Variants in PLBD1 observed in about 807,000 individuals in gnomAD.
The protein encoded by PLBD1 is phospholipase B domain containing 1, also known as lysosomal leucine aminopeptidase.
Under a neutral mutation model 63.0 loss-of-function variants are expected in PLBD1, and 60 were observed. That is an observed-to-expected ratio of 0.95 (90% CI 0.77 to 1.18). The LOEUF is 1.18. Among genes scored for constraint, PLBD1 ranks in the 50% most tolerant of loss-of-function variants. The pLI is 0.00. For missense variants in PLBD1, 598 were observed against 677.9 expected, an observed-to-expected ratio of 0.88 and a Z score of 1.31; for synonymous variants, 262 against 248.0, an observed-to-expected ratio of 1.06 and a Z score of -0.53.
chr12:14,558,300 A>T (rs1945722323), intron 1 of PLBD1, among the ~76,000 whole-genome samples: 1 of 152,170 alleles, frequency 6.6e-6, no homozygotes, highest in African/African-American at 2.4e-5. Flanking sequence ...AGAAATAGGG[A>T]GGTGTCAAAT....
chr12:14,559,048 T>C (rs1460960824), intron 1 of PLBD1, among the ~76,000 whole-genome samples: 1 of 152,248 alleles, frequency 6.6e-6, no homozygotes, highest in Non-Finnish European at 1.5e-5. Context: ...CCAGTATTCA[T>C]GCTATTTTCT....
chr12:14,556,153 G>C (rs1945701697), intron 1 of PLBD1, among the ~76,000 whole-genome samples: 1 of 152,218 alleles, frequency 6.6e-6, no homozygotes. Flanking sequence ...AGAGAGGTGG[G>C]AGGACGCCAG....
chr12:14,517,811 A>G (rs1184877714), intron 6 of PLBD1, among the ~76,000 whole-genome samples: 2 of 152,238 alleles, frequency 1.3e-5, no homozygotes, highest in African/African-American at 4.8e-5. Flanking sequence ...ATACAATACT[A>G]GAAGTTAATG....
At chr12:14,526,765 G>A (rs558292926) in intron 6 of PLBD1, among the ~76,000 whole-genome samples, 15 of 152,218 alleles carry the variant, frequency 9.9e-5, no homozygotes, top group Admixed American at 6.5e-4. Flanking sequence ...CTGAGGTCAC[G>A]AGTTGGAGAC....
Position 14,511,411 on chromosome 12 carries a change from A to C in PLBD1, c.1046-11T>G. 1 of 1,613,160 alleles carries C rather than the reference A, an allele frequency of 6.2e-7. No individual in the cohort carries two copies. On this transcript the variant is annotated splice_polypyrimidine_tract_variant and intron_variant, in intron 7 of 10. Transcript: ENST00000240617. ...GATTGTTATAGGTGCCTGAAATATC[A>C]GGAAACATGAAGACGGGGCATGGGT...
In PLBD1 at chr12:14,511,551, AC is replaced by A. The variant is rs1945298374; in HGVS notation, c.1004del (p.Ser335MetfsTer26). 8.1e-6 allele frequency: 13 copies of A among 1,614,206 alleles called. No individual in the cohort carries two copies. Among genetic ancestry groups the A allele is most frequent in the Non-Finnish European group, 1.1e-5 (13 of 1,180,030 alleles). On this transcript the variant is annotated frameshift_variant, in exon 7 of 11. Coordinates refer to ENST00000240617, the MANE Select transcript of PLBD1 (RefSeq NM_024829.6). LOFTEE classifies it high-confidence loss of function. ...AAAAGATGTCTGCCCACCTCTTGCC[AC>A]TATCTGCCATCATATTGGCCACACG... Reference protein sequence around the residue: ...RVRVANMMADSGKRWADIFSK... With the variant: ...RVRVANMMADXGKRWADIFSK...
At chr12:14,541,272 T>C (rs377520411) in intron 3 of PLBD1, among the ~76,000 whole-genome samples, 1 of 152,350 alleles carries the variant, frequency 6.6e-6, no homozygotes, top group East Asian at 1.9e-4. Flanking sequence ...ACCTTACTTT[T>C]AGTTGTAGAA....
chr12:14,544,601 T>C (rs929191888), intron 2 of PLBD1, among the ~76,000 whole-genome samples: 1 of 152,238 alleles, frequency 6.6e-6, no homozygotes, highest in Non-Finnish European at 1.5e-5. Flanking sequence ...CTAATTGCTA[T>C]GTCTAATAAC....
intron 6 of PLBD1, among the ~76,000 whole-genome samples, chr12:14,530,741 C>T (rs1565575069): frequency 6.6e-6 from 1 of 152,178 alleles, no homozygotes; most frequent in East Asian, 1.9e-4. Flanking sequence ...GTATTGGCTG[C>T]CATTTCAGTG....
chr12:14,511,659 C>A lies in PLBD1; in HGVS notation c.897G>T (p.Leu299Phe). The A allele has an allele frequency of 6.2e-7, 1 of 1,614,180 alleles. No homozygotes were observed. The highest frequency in any genetic ancestry group is 8.5e-7 in the Non-Finnish European group (1 of 1,180,016). ...DFYILSSGLI[L>F]LQTTNSVFNK... ...TAAACACACTGTTTGTGGTCTGCAG[C>A]AATATCAATCCACTGCTAAGAATGT... Residue 299 changes from leucine (L) to phenylalanine (F), a missense_variant, in exon 7 of 11, where the codon TTG becomes TTT. Physicochemically the swap from Leu to Phe is conservative, Grantham distance 22. Coordinates refer to ENST00000240617, the MANE Select transcript of PLBD1 (RefSeq NM_024829.6).
intron 6 of PLBD1, among the ~76,000 whole-genome samples, chr12:14,532,793 T>C (rs961962140): frequency 7.9e-5 from 12 of 152,182 alleles, no homozygotes; most frequent in Non-Finnish European, 4.4e-5. Flanking sequence ...TTTGAAATTT[T>C]CTGGAAAGGA....
intron 6 of PLBD1, among the ~76,000 whole-genome samples, chr12:14,516,912 G>A (rs941392308): frequency 4.6e-5 from 7 of 151,956 alleles, no homozygotes; most frequent in Admixed American, 3.3e-4. Flanking sequence ...GGTGGCATAC[G>A]CCTGTGGTCC....
rs113851881 is a variant in PLBD1, at chr12:14,506,829, T to C, written c.1372+104A>G. On this transcript the variant is annotated intron_variant, in intron 9 of 10. Coordinates refer to ENST00000240617, the MANE Select transcript of PLBD1 (RefSeq NM_024829.6). ...ATTAGTTAAATACTTAAATAACTTC[T>C]TATAATTCCTTCTAGTACAGAGATG... 2,703 of 1,000,056 alleles carry C rather than the reference T, an allele frequency of 2.7e-3. 63 individuals are homozygous for C. In the African/African-American group the frequency reaches 0.039, roughly 14 times the overall value. The allele number at this position is 1,000,056 out of a possible 1,614,324, so 61.9% of individuals were successfully genotyped here. A position where few individuals can be genotyped will look rare whatever the true frequency, so the allele number is the denominator to read the frequency against.
At chr12:14,546,236 T>C (rs1467353571) in intron 2 of PLBD1, among the ~76,000 whole-genome samples, 1 of 151,062 alleles carries the variant, frequency 6.6e-6, no homozygotes, top group Non-Finnish European at 1.5e-5. Flanking sequence ...AAGAATTGCT[T>C]GAACCCAGGA....
intron 6 of PLBD1, among the ~76,000 whole-genome samples, chr12:14,521,349 C>T (rs931371152): frequency 2.6e-5 from 4 of 152,112 alleles, no homozygotes; most frequent in African/African-American, 9.7e-5. Context: ...GTGTGTGTAA[C>T]AGCCTGGCAC....
chr12:14,542,158 A>C, intron 3 of PLBD1, 50 bp downstream of exon 3: 1 of 1,442,408 alleles, frequency 6.9e-7, no homozygotes, highest in South Asian at 1.2e-5. Flanking sequence ...TTACAGATTC[A>C]GTGCCTCCAA....
chr12:14,528,507 A>C (rs929792337), intron 6 of PLBD1, among the ~76,000 whole-genome samples: 1 of 152,194 alleles, frequency 6.6e-6, no homozygotes, highest in Non-Finnish European at 1.5e-5. Context: ...GGATTAAATA[A>C]ATCGTGATAA....
chr12:14,567,827 CTCTT>C lies in PLBD1; in HGVS notation c.-135_-132del. 2 of 1,256,072 alleles carry C rather than the reference CTCTT, an allele frequency of 1.6e-6. No individual in the cohort carries two copies. The highest frequency in any genetic ancestry group is 6.4e-5 in the East Asian group (2 of 31,408). 77.8% of individuals were successfully genotyped at this position (1,256,072 alleles called of 1,614,324 possible). A position where few individuals can be genotyped will look rare whatever the true frequency, so the allele number is the denominator to read the frequency against. ...CCGAGGTGGGGCGTCCTCAACTTTC[CTCTT>C]TCTTGAGCCCGGCCTGCTCCGGGCT... On this transcript the variant is annotated 5_prime_UTR_variant, in exon 1 of 11. Coordinates refer to ENST00000240617, the MANE Select transcript of PLBD1 (RefSeq NM_024829.6).
intron 6 of PLBD1, among the ~76,000 whole-genome samples, chr12:14,528,536 T>G (rs553293693): frequency 8.5e-5 from 13 of 152,258 alleles, no homozygotes; most frequent in African/African-American, 3.1e-4. Flanking sequence ...ATATTCTAAA[T>G]GGAATAAAAA....
Sources: gnomAD v4.1 joint callset for allele counts (sites outside exome capture counted in the v4.1 genomes callset) on GRCh38, gnomAD v4.1.1 for gene constraint, MANE v1.5 for transcripts, NCBI Gene and HGNC (gene_info 2026-07-23, HGNC 2026-07-21) for gene names.